Variants in LRRC69 observed in about 807,000 individuals in gnomAD.
The protein encoded by LRRC69 is leucine rich repeat containing 69, also known as leucine-rich repeat-containing protein 69.
Under a neutral mutation model 37.8 loss-of-function variants are expected in LRRC69, and 42 were observed. That is an observed-to-expected ratio of 1.11 (90% CI 0.87 to 1.44). LRRC69 has a LOEUF of 1.44. Among genes scored for constraint, LRRC69 ranks in the 40% most tolerant of loss-of-function variants. The pLI is 0.00. For synonymous variants in LRRC69, 141 were observed against 143.1 expected, an observed-to-expected ratio of 0.99 and a Z score of 0.11; for missense variants, 357 against 401.9, an observed-to-expected ratio of 0.89 and a Z score of 0.96.
intron 5 of LRRC69, among the ~76,000 whole-genome samples, chr8:91,175,874 G>A (rs1809215499): frequency 6.6e-6 from 1 of 151,074 alleles, no homozygotes; most frequent in Admixed American, 6.6e-5. Flanking sequence ...GACTACTTTA[G>A]ATGCTCTCTG....
intron 2 of LRRC69, chr8:91,124,820 G>T: frequency 2.3e-6 from 1 of 439,898 alleles, no homozygotes; most frequent in Non-Finnish European, 3.9e-6. Flanking sequence ...GTAGACCTAA[G>T]AAAATAAGTA....
chr8:91,162,101 C>A (rs1438493060), intron 5 of LRRC69, among the ~76,000 whole-genome samples: 2 of 151,272 alleles, frequency 1.3e-5, no homozygotes, highest in African/African-American at 4.8e-5. Flanking sequence ...AGTTTTATTC[C>A]ATTGTGATCT....
chr8:91,198,672 A>G (rs1419301891), intron 6 of LRRC69, among the ~76,000 whole-genome samples: 1 of 152,124 alleles, frequency 6.6e-6, no homozygotes, highest in Non-Finnish European at 1.5e-5. Context: ...AAGCTATCTA[A>G]AAGGAGCAAT....
rs771986461 is a variant in LRRC69 at position 91,176,134 on chromosome 8, A to ATTTT, written c.652-13379_652-13376dup. ...ATCCCTCATATATATATATATATATATTTTTTTTTTTTCTTTTTTTTGAGA... is the reference window on the plus strand; with the variant it reads ...ATCCCTCATATATATATATATATATATTTTTTTTTTTTTTTTCTTTTTTTTGAGA... On this transcript the variant is annotated intron_variant, in intron 5 of 7. Coordinates refer to ENST00000448384, the Ensembl canonical transcript of LRRC69. 9.1e-3 allele frequency among the ~76,000 whole-genome samples: 692 copies of ATTTT among 75,694 alleles called. 24 individuals are homozygous for ATTTT. Among genetic ancestry groups the ATTTT allele is most frequent in the African/African-American group, 0.04 (657 of 16,426 alleles). The allele number at this position is 75,694 out of a possible 152,430, so 49.7% of individuals were successfully genotyped here.
At chr8:91,126,694 G>A (rs1338120421) in intron 2 of LRRC69, among the ~76,000 whole-genome samples, 1 of 152,008 alleles carries the variant, frequency 6.6e-6, no homozygotes, top group Non-Finnish European at 1.5e-5. Context: ...GAGCAAACAT[G>A]TTCAAAAGAG....
chr8:91,145,191 A>G (rs977679747), intron 5 of LRRC69, among the ~76,000 whole-genome samples: 9 of 151,980 alleles, frequency 5.9e-5, no homozygotes, highest in Non-Finnish European at 1.3e-4. Context: ...AACTCCTATC[A>G]AAACTTTTGA....
chr8:91,155,852 AAT>A (rs1808824267), intron 5 of LRRC69, among the ~76,000 whole-genome samples: 1 of 145,120 alleles, frequency 6.9e-6, no homozygotes, highest in African/African-American at 2.7e-5. Context: ...TCTTTTTGTG[AAT>A]ATGTATGTGT....
At chr8:91,213,988 C>T (rs747005289) in intron 7 of LRRC69, among the ~76,000 whole-genome samples, 2 of 151,906 alleles carry the variant, frequency 1.3e-5, no homozygotes, top group Admixed American at 6.6e-5. Flanking sequence ...CCCTACTGAA[C>T]ATGTGGGGGA....
intron 5 of LRRC69, among the ~76,000 whole-genome samples, chr8:91,175,026 T>C (rs542333200): frequency 6.6e-6 from 1 of 152,258 alleles, no homozygotes; most frequent in Non-Finnish European, 1.5e-5. Flanking sequence ...TTTGGAGCAA[T>C]TTAGAAATAT....
intron 1 of LRRC69, among the ~76,000 whole-genome samples, chr8:91,122,828 A>C (rs1008506353): frequency 1.3e-5 from 2 of 152,050 alleles, no homozygotes; most frequent in African/African-American, 4.8e-5. Flanking sequence ...ATGGACCCCC[A>C]AAGATGCCCA....
chr8:91,193,373 A>C (rs1158559623), intron 6 of LRRC69, among the ~76,000 whole-genome samples: 1 of 142,308 alleles, frequency 7.0e-6, no homozygotes, highest in African/African-American at 2.6e-5. Context: ...AGTTTTTTCC[A>C]ATTCTGTGAA....
chr8:91,138,388 C>G (rs985149144), intron 5 of LRRC69, among the ~76,000 whole-genome samples: 2 of 150,964 alleles, frequency 1.3e-5, no homozygotes, highest in Non-Finnish European at 2.9e-5. Context: ...ACTCTTAACT[C>G]AAAGATTTGA....
At chr8:91,105,928 G>A (rs1406073923) in intron 1 of LRRC69, among the ~76,000 whole-genome samples, 1 of 151,998 alleles carries the variant, frequency 6.6e-6, no homozygotes, top group Non-Finnish European at 1.5e-5. Flanking sequence ...TGCCCTCATA[G>A]AGTTTATGTT....
chr8:91,203,142 G>C (rs1563624416), intron 7 of LRRC69, among the ~76,000 whole-genome samples: 1 of 152,082 alleles, frequency 6.6e-6, no homozygotes, highest in Non-Finnish European at 1.5e-5. Flanking sequence ...GAGCAACCTG[G>C]AAGCTATAGA....
intron 1 of LRRC69, among the ~76,000 whole-genome samples, chr8:91,116,118 A>G (rs1813506717): frequency 6.6e-6 from 1 of 152,038 alleles, no homozygotes; most frequent in Admixed American, 6.6e-5. Context: ...GTAAAGTGTC[A>G]ATATGTATGT....
chr8:91,211,610 A>AT (rs1338079124), intron 7 of LRRC69, among the ~76,000 whole-genome samples: 3 of 137,758 alleles, frequency 2.2e-5, no homozygotes, highest in Non-Finnish European at 3.1e-5. Flanking sequence ...ATATATATAT[A>AT]TATATATTTT....
At chr8:91,133,921 C>T (rs1170900404) in intron 4 of LRRC69, among the ~76,000 whole-genome samples, 3 of 151,962 alleles carry the variant, frequency 2.0e-5, no homozygotes, top group Non-Finnish European at 4.4e-5. Context: ...CGTGAGCCAC[C>T]GCACCCAGCC....
At chr8:91,189,619 T>C in exon 6 of LRRC69, 1 of 1,546,236 alleles carries the variant, frequency 6.5e-7, no homozygotes, top group Non-Finnish European at 8.7e-7. Flanking sequence ...GTCTGGAGTC[T>C]ACAGGTGAAG....
At chr8:91,210,562 G>GACACACACAC (rs35968986) in intron 7 of LRRC69, among the ~76,000 whole-genome samples, 2,711 of 146,148 alleles carry the variant, frequency 0.019, 59 homozygotes, top group African/African-American at 0.046. Flanking sequence ...CACACACACA[G>GACACACACAC]ACACACACAC....
Sources: gnomAD v4.1 joint callset for allele counts (sites outside exome capture counted in the v4.1 genomes callset) on GRCh38, gnomAD v4.1.1 for gene constraint, MANE v1.5 for transcripts, NCBI Gene and HGNC (gene_info 2026-07-23, HGNC 2026-07-21) for gene names.